The following GOSR1 variants were observed in gnomAD, a reference collection of about 807,000 sequenced individuals.
GOSR1 encodes the protein 28 kDa Golgi SNARE protein.
A neutral mutation model predicts 35.5 loss-of-function variants in GOSR1; 21 were observed. The ratio of observed to expected loss-of-function variants is 0.59; its 90% CI spans 0.42 to 0.85. The LOEUF (loss-of-function observed/expected upper bound fraction) is 0.85, where lower values mean the gene tolerates loss of function less well. Ranked by LOEUF, GOSR1 falls within the 40% of genes least tolerant of loss-of-function variation. GOSR1 has a pLI of 0.00. For missense variants in GOSR1, 285 were observed against 309.6 expected (o/e 0.92, Z 0.60); for synonymous variants, 94 against 106.6 (o/e 0.88, Z 0.73).
rs1968167787 is a variant in GOSR1 at position 30,525,495 on chromosome 17, T to C, written c.*3117T>C. 6.6e-6 allele frequency: 1 copy of C among 152,222 alleles called. No individual in the cohort carries two copies. Among genetic ancestry groups the C allele is most frequent in the Admixed American group, 6.5e-5 (1 of 15,286 alleles). 9.4% of individuals were successfully genotyped at this position (152,222 alleles called of 1,614,324 possible). A position where few individuals can be genotyped will look rare whatever the true frequency, so the allele number is the denominator to read the frequency against. ...GTTGGGAGAACAAAACTTTTCTCCC[T>C]TGACACTTTATTATCTTTGATTTTT... On this transcript the variant is annotated 3_prime_UTR_variant, in exon 9 of 9. Transcript: ENST00000451249.
At chr17:30,486,202 G>A (rs925572982) in intron 4 of GOSR1, among the ~76,000 whole-genome samples, 3 of 151,866 alleles carry the variant, frequency 2.0e-5, no homozygotes, top group African/African-American at 7.3e-5. Context: ...GTTCTTGATG[G>A]TGCAATTAGA....
At chr17:30,480,847 G>A (rs998850591) in intron 1 of GOSR1, 6 of 207,058 alleles carry the variant, frequency 2.9e-5, no homozygotes, top group Non-Finnish European at 6.0e-5. Context: ...CGAGTAGCTG[G>A]GATTACAGGC....
rs1914544537 is a variant in GOSR1, at chr17:30,484,377, A to C, written c.234+76A>C. The C allele has an allele frequency of 4.7e-6, 4 of 859,830 alleles. No individual in the cohort carries two copies. In the South Asian group the frequency reaches 5.3e-5, roughly 11 times the overall value. The allele number at this position is 859,830 out of a possible 1,614,324, so 53.3% of individuals were successfully genotyped here. A position where few individuals can be genotyped will look rare whatever the true frequency, so the allele number is the denominator to read the frequency against. ...ACGTAGGATCCTGGATTATATTGAG[A>C]CAGACATGTTTATTGAAATTATCCA... On this transcript the variant is annotated intron_variant, in intron 3 of 8. Coordinates refer to ENST00000451249, the MANE Select transcript of GOSR1 (RefSeq NM_001007025.2).
intron 4 of GOSR1, among the ~76,000 whole-genome samples, chr17:30,489,121 C>A (rs184317680): frequency 6.6e-6 from 1 of 152,118 alleles, no homozygotes; most frequent in East Asian, 1.9e-4. Context: ...CAGTGGCTCA[C>A]GCCTGTAATC....
At chr17:30,494,743 G>GACTACAGGCACCTGCC (rs1567904613) in intron 6 of GOSR1, among the ~76,000 whole-genome samples, 1 of 151,534 alleles carries the variant, frequency 6.6e-6, no homozygotes, top group East Asian at 1.9e-4. Flanking sequence ...AGGTAGCTGG[G>GACTACAGGCACCTGCC]ACTACAGGCA....
intron 6 of GOSR1, among the ~76,000 whole-genome samples, chr17:30,495,187 C>CAAAAA (rs11369569): frequency 4.9e-5 from 4 of 81,304 alleles, no homozygotes; most frequent in Non-Finnish European, 7.0e-5. Context: ...GACTCCGGCT[C>CAAAAA]AAAAAAAAAA....
intron 7 of GOSR1, among the ~76,000 whole-genome samples, chr17:30,513,749 G>A (rs528053465): frequency 1.3e-4 from 20 of 152,096 alleles, no homozygotes; most frequent in Admixed American, 3.3e-4. Context: ...CCAGAAACTC[G>A]AGTCAGCCAG....
chr17:30,524,287 C>T lies in GOSR1; in HGVS notation c.*1909C>T, dbSNP rs543717657. The T allele has an allele frequency of 6.6e-6, 1 of 152,228 alleles. No homozygotes were observed. Among genetic ancestry groups the T allele is most frequent in the African/African-American group, 2.4e-5 (1 of 41,518 alleles). 9.4% of individuals were successfully genotyped at this position (152,228 alleles called of 1,614,324 possible). ...CATAATGAGAAATCACAAGTTCTTT[C>T]TTGATGATCTGTGCTATAGATTTCT... On this transcript the variant is annotated 3_prime_UTR_variant, in exon 9 of 9. Transcript: ENST00000451249.
chr17:30,483,148 T>C (rs1431313228), intron 2 of GOSR1: 1 of 151,660 alleles, frequency 6.6e-6, no homozygotes, highest in Non-Finnish European at 1.5e-5. Flanking sequence ...TTTTTTTAAC[T>C]TTCTGTATTT....
Position 30,525,504 on chromosome 17 carries a change from T to C in GOSR1, c.*3126T>C, listed in dbSNP as rs1438978304. Reference sequence around the variant, plus strand: ...ACAAAACTTTTCTCCCTTGACACTTTATTATCTTTGATTTTTCAAAGGGCC... The same window carrying C: ...ACAAAACTTTTCTCCCTTGACACTTCATTATCTTTGATTTTTCAAAGGGCC... On this transcript the variant is annotated 3_prime_UTR_variant, in exon 9 of 9. Coordinates refer to ENST00000451249, the MANE Select transcript of GOSR1 (RefSeq NM_001007025.2). The C allele has an allele frequency of 1.3e-5, 2 of 152,206 alleles. No homozygotes were observed. Among genetic ancestry groups the C allele is most frequent in the Admixed American group, 1.3e-4 (2 of 15,280 alleles). The allele number at this position is 152,206 out of a possible 1,614,324, so 9.4% of individuals were successfully genotyped here.
chr17:30,488,727 G>C (rs1268849851), intron 4 of GOSR1, among the ~76,000 whole-genome samples: 3 of 151,468 alleles, frequency 2.0e-5, no homozygotes, highest in African/African-American at 7.3e-5. Context: ...TAGTAGAGAC[G>C]GGGTTTCGCC....
chr17:30,514,438 C>T (rs1967726156), intron 7 of GOSR1, among the ~76,000 whole-genome samples: 1 of 152,140 alleles, frequency 6.6e-6, no homozygotes, highest in Admixed American at 6.6e-5. Context: ...TTTGGACTGC[C>T]CACATCCAAA....
chr17:30,502,767 T>C (rs1309492262), intron 6 of GOSR1, among the ~76,000 whole-genome samples: 1 of 152,256 alleles, frequency 6.6e-6, no homozygotes, highest in African/African-American at 2.4e-5. Context: ...CTTTCATCTT[T>C]GTTTTCCTGT....
intron 6 of GOSR1, among the ~76,000 whole-genome samples, chr17:30,507,722 C>CAA (rs57856074): frequency 0.026 from 3,297 of 125,346 alleles, 138 homozygotes; most frequent in African/African-American, 0.088. Context: ...GACTCTGTCT[C>CAA]AAAAAAAAAA....
intron 6 of GOSR1, among the ~76,000 whole-genome samples, chr17:30,505,794 TC>T (rs1429734951): frequency 6.6e-6 from 1 of 152,102 alleles, no homozygotes; most frequent in African/African-American, 2.4e-5. Context: ...AGTGGCATGA[TC>T]CCAGCCCACT....
chr17:30,481,782 C>A (rs4141117), intron 2 of GOSR1, among the ~76,000 whole-genome samples: 1 of 152,140 alleles, frequency 6.6e-6, no homozygotes, highest in Non-Finnish European at 1.5e-5. Flanking sequence ...ATGGAAAATA[C>A]ATTCTTATCT....
At chr17:30,478,131 C>T (rs1331346988) in intron 1 of GOSR1, 1 of 160,602 alleles carries the variant, frequency 6.2e-6, no homozygotes, top group African/African-American at 2.4e-5. Context: ...ACTTCTCCCA[C>T]CAAAAAAACC....
chr17:30,510,403 G>A (rs547666116), intron 6 of GOSR1, among the ~76,000 whole-genome samples: 5 of 152,166 alleles, frequency 3.3e-5, no homozygotes, highest in Admixed American at 6.5e-5. Context: ...TATTGTATGC[G>A]AATGAAATTA....
rs555251782 is a variant in GOSR1, at chr17:30,493,140, G to A, written c.509+387G>A. ...CTCCCAAGTAGCTGGGACTACAGGCGTGTGCCACCATGCCTGGCTAATTTT... is the reference window on the plus strand; with the variant it reads ...CTCCCAAGTAGCTGGGACTACAGGCATGTGCCACCATGCCTGGCTAATTTT... On this transcript the variant is annotated intron_variant, in intron 6 of 8. Coordinates refer to ENST00000451249, the MANE Select transcript of GOSR1 (RefSeq NM_001007025.2). 2.0e-4 allele frequency among the ~76,000 whole-genome samples: 30 copies of A among 152,158 alleles called. No homozygotes were observed. In the East Asian group the frequency reaches 3.9e-3, roughly 20 times the overall value.
Sources: allele counts gnomAD v4.1 joint callset (sites outside exome capture counted in the v4.1 genomes callset), GRCh38; gene constraint gnomAD v4.1.1; transcripts MANE v1.5; gene names NCBI Gene and HGNC (gene_info 2026-07-23, HGNC 2026-07-21).